The following SLC4A5 variants were observed in gnomAD, a reference collection of about 807,000 sequenced individuals.
SLC4A5 encodes the protein electrogenic sodium bicarbonate cotransporter 4.
Under a neutral mutation model 120.4 loss-of-function variants are expected in SLC4A5, and 96 were observed. The observed-to-expected ratio is 0.80, with a 90% CI of 0.68 to 0.94. SLC4A5 has a LOEUF of 0.94. Ranked by LOEUF, SLC4A5 falls within the 40% of genes least tolerant of loss-of-function variation. The probability of loss-of-function intolerance (pLI) is 0.00; values close to 1 mark genes in which losing one functional copy is unlikely to be tolerated. For synonymous variants in SLC4A5, 550 were observed against 571.1 expected, an observed-to-expected ratio of 0.96 and a Z score of 0.53; for missense variants, 1,259 against 1,459.5, an observed-to-expected ratio of 0.86 and a Z score of 2.24.
At chr2:74,244,294 A>C (rs1204689850) in intron 19 of SLC4A5, among the ~76,000 whole-genome samples, 1 of 152,156 alleles carries the variant, frequency 6.6e-6, no homozygotes, top group Non-Finnish European at 1.5e-5. Flanking sequence ...TCTCAAACTT[A>C]AGAGTGCATC....
chr2:74,262,694 G>A (rs1197076581), intron 10 of SLC4A5, among the ~76,000 whole-genome samples: 6 of 148,908 alleles, frequency 4.0e-5, no homozygotes, highest in South Asian at 4.3e-4. Context: ...GTGAGACTCC[G>A]TCTCAAAAAA....
At position 74,296,711 on chromosome 2, in the gene SLC4A5, C is replaced by T. The variant is rs978441745; in HGVS notation, c.271+7778G>A. 2.0e-5 allele frequency among the ~76,000 whole-genome samples: 3 copies of T among 150,132 alleles called. No individual in the cohort carries two copies. The East Asian group carries it at 5.9e-4, about 29-fold the overall frequency. ...GGCTGAGGCAGGAGAATTGCTTGAA[C>T]CTGGAGCGGAGGTTGTAGTGAGCCG... On this transcript the variant is annotated intron_variant, in intron 7 of 30. Transcript: ENST00000394019.
chr2:74,303,386 T>C (rs956596309), intron 7 of SLC4A5, among the ~76,000 whole-genome samples: 1 of 152,124 alleles, frequency 6.6e-6, no homozygotes, highest in Non-Finnish European at 1.5e-5. Context: ...TTGGAAGGTA[T>C]AGATGGTATA....
At chr2:74,300,625 C>A (rs1672451905) in intron 7 of SLC4A5, among the ~76,000 whole-genome samples, 2 of 152,202 alleles carry the variant, frequency 1.3e-5, no homozygotes, top group African/African-American at 4.8e-5. Flanking sequence ...CCACCACTCA[C>A]CACCTAGGCC....
At chr2:74,323,322 C>A (rs1673140451) in intron 5 of SLC4A5, among the ~76,000 whole-genome samples, 1 of 152,128 alleles carries the variant, frequency 6.6e-6, no homozygotes, top group Non-Finnish European at 1.5e-5. Flanking sequence ...CTCCACCCAG[C>A]CAAACTACCA....
intron 27 of SLC4A5, 146 bp from the exon 28 acceptor site, chr2:74,225,141 C>T (rs1210439031): frequency 1.6e-5 from 11 of 704,232 alleles, no homozygotes; most frequent in Non-Finnish European, 2.3e-5. Context: ...TCGAAGCTCC[C>T]ATAAGCCATT....
At chr2:74,318,054 C>T (rs1476507223) in intron 5 of SLC4A5, among the ~76,000 whole-genome samples, 1 of 152,018 alleles carries the variant, frequency 6.6e-6, no homozygotes, top group Non-Finnish European at 1.5e-5. Flanking sequence ...CAAAAATAGA[C>T]AAATGGCACT....
chr2:74,307,997 GGT>G, intron 6 of SLC4A5: 1 of 551,032 alleles, frequency 1.8e-6, no homozygotes. Context: ...TGGAACGAGT[GGT>G]GAAGCTCATG....
intron 4 of SLC4A5, among the ~76,000 whole-genome samples, chr2:74,332,433 T>C (rs1673385303): frequency 6.6e-6 from 1 of 152,180 alleles, no homozygotes; most frequent in Non-Finnish European, 1.5e-5. Context: ...AGACCTTTGA[T>C]CTTCAGGCAT....
intron 5 of SLC4A5, among the ~76,000 whole-genome samples, chr2:74,320,626 CT>C (rs1368322228): frequency 6.6e-6 from 1 of 152,182 alleles, no homozygotes; most frequent in Non-Finnish European, 1.5e-5. Flanking sequence ...TTCGATGCAC[CT>C]TTTTTTCAGG....
At chr2:74,323,097 G>A (rs900758680) in intron 5 of SLC4A5, among the ~76,000 whole-genome samples, 15 of 152,106 alleles carry the variant, frequency 9.9e-5, no homozygotes, top group African/African-American at 3.1e-4. Flanking sequence ...AAACTTAGCC[G>A]GGTGTGGTGG....
At chr2:74,236,131 C>T (rs1223225333) in intron 21 of SLC4A5, among the ~76,000 whole-genome samples, 3 of 152,166 alleles carry the variant, frequency 2.0e-5, no homozygotes, top group Admixed American at 6.5e-5. Context: ...AATCCAGCCC[C>T]GCCTTCCAGA....
intron 21 of SLC4A5, 114 bp downstream of exon 21, chr2:74,239,221 C>G: frequency 1.1e-6 from 1 of 950,900 alleles, no homozygotes; most frequent in Non-Finnish European, 1.6e-6. Context: ...CTTGAAAAAC[C>G]CCAGTGGGCC....
Position 74,227,369 on chromosome 2 carries a change from T to C in SLC4A5, c.2917-239A>G, listed in dbSNP as rs369049077. ...CCTGGAGCTGGCCACAAAATGGACA[T>C]TGTCCATATTCAGGGAAAGTGCAAG... On this transcript the variant is annotated intron_variant, in intron 26 of 30. Transcript: ENST00000394019. The C allele has an allele frequency of 2.5e-6, 3 of 1,210,502 alleles. No homozygotes were observed. The South Asian group carries it at 4.5e-5, about 18-fold the overall frequency. 75.0% of individuals were successfully genotyped at this position (1,210,502 alleles called of 1,614,324 possible).
chr2:74,227,985 A>G (rs1056913206), intron 25 of SLC4A5, 107 bp from the exon 26 acceptor site: 5 of 756,276 alleles, frequency 6.6e-6, no homozygotes, highest in Non-Finnish European at 8.4e-6. Flanking sequence ...AGGAAACTGG[A>G]TATTTGGGGG....
At chr2:74,301,395 A>G (rs1180889188) in intron 7 of SLC4A5, among the ~76,000 whole-genome samples, 1 of 152,160 alleles carries the variant, frequency 6.6e-6, no homozygotes, top group Admixed American at 6.5e-5. Context: ...GCCCAGACAC[A>G]TCTAGCCACC....
rs146690344 is a variant in SLC4A5, at chr2:74,303,850, TA to T, written c.271+638del. On this transcript the variant is annotated intron_variant, in intron 7 of 30. Transcript: ENST00000394019. The stretch of plus-strand genomic sequence containing the variant: ...ACAAAACAAGCATGTCCATTATTAT[TA>T]TTTTTTTTTTTTTTTTGAGACGGAG... 2.2e-3 allele frequency among the ~76,000 whole-genome samples: 292 copies of T among 131,164 alleles called. 2 individuals are homozygous for T. Among genetic ancestry groups the T allele is most frequent in the African/African-American group, 9.6e-3 (261 of 27,084 alleles). 86.0% of individuals were successfully genotyped at this position (131,164 alleles called of 152,430 possible). A position where few individuals can be genotyped will look rare whatever the true frequency, so the allele number is the denominator to read the frequency against.
At chr2:74,307,103 G>C (rs1250736987) in intron 6 of SLC4A5, 2 of 556,392 alleles carry the variant, frequency 3.6e-6, no homozygotes, top group African/African-American at 3.7e-5. Flanking sequence ...CAATCTCCAA[G>C]GACTGGACTG....
At chr2:74,264,442 A>C (rs1671237245) in intron 9 of SLC4A5, 143 bp from the exon 10 acceptor site, 1 of 902,072 alleles carries the variant, frequency 1.1e-6, no homozygotes, top group East Asian at 2.8e-5. Context: ...CTAGCTGTGG[A>C]AAACTGGGCA....
Sources: gnomAD v4.1 joint callset for allele counts (sites outside exome capture counted in the v4.1 genomes callset) on GRCh38, gnomAD v4.1.1 for gene constraint, MANE v1.5 for transcripts, NCBI Gene and HGNC (gene_info 2026-07-23, HGNC 2026-07-21) for gene names.